BACH2: variants seen among roughly 807,000 people sequenced by gnomAD.
BACH2 encodes the protein BACH transcriptional regulator 2, also known as transcription regulator protein BACH2.
A neutral mutation model predicts 61.8 loss-of-function variants in BACH2; 5 were observed. That is an observed-to-expected ratio of 0.08 (90% CI 0.04 to 0.17). The LOEUF is 0.17. Ranked by LOEUF, BACH2 falls within the 10% of genes least tolerant of loss-of-function variation. BACH2 has a pLI of 1.00. For missense variants in BACH2, 824 were observed against 1,091.1 expected, an observed-to-expected ratio of 0.76 and a Z score of 3.45; for synonymous variants, 446 against 440.1, an observed-to-expected ratio of 1.01 and a Z score of -0.17.
chr6:90,271,439 G>T (rs2127881413), intron 2 of BACH2, among the ~76,000 whole-genome samples: 1 of 151,112 alleles, frequency 6.6e-6, no homozygotes, highest in African/African-American at 2.4e-5. Flanking sequence ...CATTGTTTAT[G>T]AAGTTCAGAG....
At chr6:90,204,652 G>C (rs895640043) in intron 4 of BACH2, among the ~76,000 whole-genome samples, 5 of 152,134 alleles carry the variant, frequency 3.3e-5, no homozygotes, top group African/African-American at 1.2e-4. Flanking sequence ...GAGAAACTTA[G>C]GGCGGAGCTG....
At chr6:90,073,608 C>T (rs1323915999) in intron 5 of BACH2, among the ~76,000 whole-genome samples, 1 of 152,140 alleles carries the variant, frequency 6.6e-6, no homozygotes, top group Non-Finnish European at 1.5e-5. Flanking sequence ...TGGGAGGTCA[C>T]ATTTCAAACA....
At chr6:90,296,207 A>C (rs548152841) in intron 1 of BACH2, among the ~76,000 whole-genome samples, 3 of 151,808 alleles carry the variant, frequency 2.0e-5, no homozygotes, top group Admixed American at 6.6e-5. Context: ...GCAAAATACA[A>C]TGCGCCTCGG....
intron 5 of BACH2, among the ~76,000 whole-genome samples, chr6:90,059,254 C>T (rs200658132): frequency 0.045 from 6,362 of 140,264 alleles, 35 homozygotes; most frequent in African/African-American, 0.19. Flanking sequence ...CCAGAATCTA[C>T]AATGAACTCC....
intron 3 of BACH2, among the ~76,000 whole-genome samples, chr6:90,207,213 G>A (rs966856618): frequency 3.3e-5 from 5 of 151,856 alleles, no homozygotes; most frequent in Non-Finnish European, 5.9e-5. Context: ...CAACCTTCTC[G>A]GCTACAGTGA....
intron 4 of BACH2, among the ~76,000 whole-genome samples, chr6:90,123,082 C>G (rs977164990): frequency 1.3e-5 from 2 of 152,102 alleles, no homozygotes; most frequent in African/African-American, 4.8e-5. Context: ...TGGAAAAGGA[C>G]CTTCGCAGAT....
At chr6:90,156,130 C>T (rs1327880270) in intron 4 of BACH2, among the ~76,000 whole-genome samples, 1 of 152,180 alleles carries the variant, frequency 6.6e-6, no homozygotes, top group Non-Finnish European at 1.5e-5. Flanking sequence ...GGGGCCCAAC[C>T]TCCTGACCAG....
intron 4 of BACH2, among the ~76,000 whole-genome samples, chr6:90,161,295 G>T (rs929332883): frequency 6.6e-6 from 1 of 152,046 alleles, no homozygotes; most frequent in African/African-American, 2.4e-5. Flanking sequence ...ATTTTTGCAG[G>T]TGTATTATCT....
At chr6:89,987,000 G>A (rs562742807) in intron 6 of BACH2, among the ~76,000 whole-genome samples, 2 of 152,258 alleles carry the variant, frequency 1.3e-5, no homozygotes, top group South Asian at 4.2e-4. Context: ...AAAGAGAAGT[G>A]TCTGGTGATG....
At chr6:90,182,283 C>T (rs914239481) in intron 4 of BACH2, among the ~76,000 whole-genome samples, 2 of 152,184 alleles carry the variant, frequency 1.3e-5, no homozygotes, top group Admixed American at 6.5e-5. Flanking sequence ...TCCCTGAACA[C>T]GTGGTGTGCT....
chr6:90,258,948 G>GT (rs200899558), intron 2 of BACH2, among the ~76,000 whole-genome samples: 2,496 of 152,204 alleles, frequency 0.016, 33 homozygotes, highest in South Asian at 0.046. Context: ...TGTTCTAACA[G>GT]TTTTTTTGTG....
chr6:90,132,545 T>C lies in BACH2; in HGVS notation c.-161-43436A>G, dbSNP rs1028179329. On this transcript the variant is annotated intron_variant, in intron 4 of 8. Transcript: ENST00000257749. ...CACCAACATCTCACAGATTACTCCT[T>C]TGATATGTGCCCAGAGTCCATCTCT... Among the ~76,000 whole-genome samples the C allele has an allele frequency of 3.3e-5, 5 of 152,222 alleles. 1 individual carries two copies. Among genetic ancestry groups the C allele is most frequent in the African/African-American group, 9.7e-5 (4 of 41,446 alleles).
In BACH2 at chr6:90,126,500, C is replaced by A. The variant is rs934437195; in HGVS notation, c.-161-37391G>T. ...ATGAAGAGGGGAGAAGGAACAAAGACCTTTAAATAAAAAGAAACAAAAGAG... is the reference window on the plus strand; with the variant it reads ...ATGAAGAGGGGAGAAGGAACAAAGAACTTTAAATAAAAAGAAACAAAAGAG... On this transcript the variant is annotated intron_variant, in intron 4 of 8. Transcript: ENST00000257749. 5.3e-5 allele frequency among the ~76,000 whole-genome samples: 8 copies of A among 152,198 alleles called. No individual in the cohort carries two copies. The East Asian group carries it at 7.7e-4, about 15-fold the overall frequency.
intron 1 of BACH2, among the ~76,000 whole-genome samples, chr6:90,276,172 T>C (rs563096154): frequency 6.6e-6 from 1 of 152,346 alleles, no homozygotes; most frequent in Non-Finnish European, 1.5e-5. Context: ...ATGACAGCCA[T>C]GTTCTAAATT....
At chr6:90,054,579 C>T (rs900405978) in intron 5 of BACH2, among the ~76,000 whole-genome samples, 3 of 152,228 alleles carry the variant, frequency 2.0e-5, no homozygotes, top group African/African-American at 4.8e-5. Context: ...ACAGCAGTAA[C>T]CTCTGCAGAC....
intron 5 of BACH2, among the ~76,000 whole-genome samples, chr6:90,027,992 G>C (rs1778722564): frequency 6.6e-6 from 1 of 152,166 alleles, no homozygotes; most frequent in South Asian, 2.1e-4. Flanking sequence ...AGATTCTCTT[G>C]CTTAAACCTG....
At chr6:90,142,492 T>C (rs975468510) in intron 4 of BACH2, among the ~76,000 whole-genome samples, 10 of 152,176 alleles carry the variant, frequency 6.6e-5, no homozygotes, top group Admixed American at 2.0e-4. Flanking sequence ...CTCAAGCTGA[T>C]TGAGGTGATT....
chr6:90,213,088 G>A (rs748352403), intron 3 of BACH2, among the ~76,000 whole-genome samples: 1 of 152,186 alleles, frequency 6.6e-6, no homozygotes, highest in African/African-American at 2.4e-5. Context: ...CACTTCCCTT[G>A]CCTAAGTGAC....
intron 5 of BACH2, among the ~76,000 whole-genome samples, chr6:90,014,620 T>G (rs1777954931): frequency 1.3e-5 from 2 of 150,086 alleles, no homozygotes; most frequent in Non-Finnish European, 3.0e-5. Flanking sequence ...GGACTACAGG[T>G]GTGCGCTACC....
Sources: allele counts gnomAD v4.1 joint callset (sites outside exome capture counted in the v4.1 genomes callset), GRCh38; gene constraint gnomAD v4.1.1; transcripts MANE v1.5; gene names NCBI Gene and HGNC (gene_info 2026-07-23, HGNC 2026-07-21).